Variants in CYRIA observed in about 807,000 individuals in gnomAD.
The protein encoded by CYRIA is CYFIP-related Rac1 interactor A.
CYRIA carries 15 observed loss-of-function variants against 43.9 expected under a neutral mutation model. The ratio of observed to expected loss-of-function variants is 0.34; its 90% CI spans 0.23 to 0.53. The LOEUF is 0.53. CYRIA is among the 20% of genes least tolerant of loss of function. The pLI is 0.94. For missense variants in CYRIA, 236 were observed against 394.2 expected (o/e 0.60, Z 3.40); for synonymous variants, 117 against 136.0 (o/e 0.86, Z 0.97).
chr2:16,633,355 A>C (rs778049364), intron 1 of CYRIA, among the ~76,000 whole-genome samples: 10 of 152,016 alleles, frequency 6.6e-5, no homozygotes, highest in Non-Finnish European at 1.5e-4. Flanking sequence ...CTCTCATAGA[A>C]CTTTCTGTCT....
At chr2:16,634,955 A>C (rs774319850) in intron 1 of CYRIA, among the ~76,000 whole-genome samples, 2 of 152,234 alleles carry the variant, frequency 1.3e-5, no homozygotes, top group Non-Finnish European at 2.9e-5. Context: ...CACTGAATGG[A>C]TCCATAAGAT....
At chr2:16,646,225 A>G (rs1274928966) in intron 1 of CYRIA, among the ~76,000 whole-genome samples, 2 of 152,200 alleles carry the variant, frequency 1.3e-5, no homozygotes, top group South Asian at 4.1e-4. Context: ...TAGAATCAAG[A>G]TGTCTAGAGT....
chr2:16,625,193 A>G (rs1669122327), intron 1 of CYRIA, among the ~76,000 whole-genome samples: 1 of 152,090 alleles, frequency 6.6e-6, no homozygotes, highest in Non-Finnish European at 1.5e-5. Context: ...GTAGGGGTCT[A>G]AAGTCCAAGA....
At chr2:16,587,641 T>C (rs1294972541) in intron 3 of CYRIA, among the ~76,000 whole-genome samples, 3 of 152,120 alleles carry the variant, frequency 2.0e-5, no homozygotes, top group Non-Finnish European at 4.4e-5. Flanking sequence ...GCTTCCATAA[T>C]TCCCACTTGT....
At chr2:16,649,594 G>A (rs1669913770) in intron 1 of CYRIA, among the ~76,000 whole-genome samples, 1 of 151,938 alleles carries the variant, frequency 6.6e-6, no homozygotes, top group Admixed American at 6.6e-5. Context: ...GTGGATGGTT[G>A]TACAGTACAG....
At chr2:16,566,630 G>A (rs1666942893) in intron 3 of CYRIA, among the ~76,000 whole-genome samples, 1 of 152,104 alleles carries the variant, frequency 6.6e-6, no homozygotes, top group South Asian at 2.1e-4. Context: ...AAAAACAAGT[G>A]ACACACTGAA....
intron 7 of CYRIA, 30 bp from the exon 8 acceptor site, chr2:16,561,307 T>C (rs1245921844): frequency 6.4e-7 from 1 of 1,560,118 alleles, no homozygotes; most frequent in Admixed American, 1.7e-5. Context: ...AAGATGGATT[T>C]ATAAAGAGAA....
chr2:16,641,927 G>T (rs1669688931), intron 1 of CYRIA, among the ~76,000 whole-genome samples: 1 of 152,136 alleles, frequency 6.6e-6, no homozygotes, highest in African/African-American at 2.4e-5. Flanking sequence ...ATCCCTTTTA[G>T]AAAGACTTTA....
chr2:16,608,611 A>G (rs1173193846), intron 2 of CYRIA, among the ~76,000 whole-genome samples: 1 of 152,214 alleles, frequency 6.6e-6, no homozygotes, highest in African/African-American at 2.4e-5. Flanking sequence ...TTTGAATCTG[A>G]GTTTCCCTTG....
At chr2:16,618,633 T>A (rs1668887110) in intron 2 of CYRIA, among the ~76,000 whole-genome samples, 1 of 152,148 alleles carries the variant, frequency 6.6e-6, no homozygotes, top group Admixed American at 6.5e-5. Flanking sequence ...CCAAAGCCCC[T>A]CGCTGTTGAG....
At chr2:16,636,038 T>C (rs1669487007) in intron 1 of CYRIA, among the ~76,000 whole-genome samples, 1 of 151,982 alleles carries the variant, frequency 6.6e-6, no homozygotes, top group Non-Finnish European at 1.5e-5. Flanking sequence ...CACTCAGACA[T>C]GCACAAGGAA....
rs113714722 is a variant in CYRIA, at chr2:16,642,252, C to T, written c.-166-18233G>A. Reference sequence around the variant, plus strand: ...ACTCCAATGCCTAACTCAAACTCAGCGTGGCCCAAAACAGAACTCTTCCTC... The same window carrying T: ...ACTCCAATGCCTAACTCAAACTCAGTGTGGCCCAAAACAGAACTCTTCCTC... On this transcript the variant is annotated intron_variant, in intron 1 of 11. Coordinates refer to ENST00000381323, the MANE Select transcript of CYRIA (RefSeq NM_030797.4). Among the ~76,000 whole-genome samples the T allele has an allele frequency of 1.7e-3, 258 of 152,248 alleles. 1 individual carries two copies. Among genetic ancestry groups the T allele is most frequent in the African/African-American group, 5.9e-3 (245 of 41,550 alleles).
At chr2:16,657,029 T>C (rs1158293396) in intron 1 of CYRIA, among the ~76,000 whole-genome samples, 2 of 152,214 alleles carry the variant, frequency 1.3e-5, no homozygotes, top group African/African-American at 4.8e-5. Context: ...AAGTTACCAG[T>C]ACAGCCAGAC....
chr2:16,646,808 C>T (rs1433310211), intron 1 of CYRIA, among the ~76,000 whole-genome samples: 1 of 149,388 alleles, frequency 6.7e-6, no homozygotes, highest in Non-Finnish European at 1.5e-5. Context: ...CTGAATAGAA[C>T]AAAAGGTGAA....
intron 3 of CYRIA, among the ~76,000 whole-genome samples, chr2:16,577,931 G>A (rs1468174000): frequency 6.6e-6 from 1 of 152,208 alleles, no homozygotes; most frequent in East Asian, 1.9e-4. Flanking sequence ...GCCCTCTAGG[G>A]CCCACCATGC....
At chr2:16,622,094 T>G (rs529072680) in intron 2 of CYRIA, among the ~76,000 whole-genome samples, 155 of 152,322 alleles carry the variant, frequency 1.0e-3, no homozygotes, top group Non-Finnish European at 1.7e-3. Context: ...AATGAGCATG[T>G]GCTTGGACCC....
At chr2:16,664,405 C>T (rs1475523706) in intron 1 of CYRIA, among the ~76,000 whole-genome samples, 3 of 152,142 alleles carry the variant, frequency 2.0e-5, no homozygotes, top group Admixed American at 2.0e-4. Context: ...CAATAAAAAC[C>T]AGCTCCCAGA....
intron 1 of CYRIA, among the ~76,000 whole-genome samples, chr2:16,660,381 T>G (rs1670217248): frequency 6.6e-6 from 1 of 152,162 alleles, no homozygotes; most frequent in African/African-American, 2.4e-5. Context: ...TCAGGTGTAA[T>G]TCAGGTGGTC....
chr2:16,555,283 C>A, intron 10 of CYRIA, 144 bp from the exon 11 acceptor site: 1 of 737,018 alleles, frequency 1.4e-6, no homozygotes, highest in Non-Finnish European at 2.3e-6. Flanking sequence ...GTTTTCCTAC[C>A]CCCTCAGGCT....
Sources: allele counts gnomAD v4.1 joint callset (sites outside exome capture counted in the v4.1 genomes callset), GRCh38; gene constraint gnomAD v4.1.1; transcripts MANE v1.5; gene names NCBI Gene and HGNC (gene_info 2026-07-23, HGNC 2026-07-21).